Variants in EIF2B3 observed in about 807,000 individuals in gnomAD.
The protein encoded by EIF2B3 is translation initiation factor eIF2B subunit gamma.
A neutral mutation model predicts 54.1 loss-of-function variants in EIF2B3; 20 were observed. The observed-to-expected ratio is 0.37, with a 90% CI of 0.26 to 0.54. The LOEUF (loss-of-function observed/expected upper bound fraction) is 0.54. Among genes scored for constraint, EIF2B3 ranks in the 20% least tolerant of loss-of-function variants. The pLI, the probability that EIF2B3 is intolerant of heterozygous loss-of-function variation, is 0.86. For missense variants in EIF2B3, 448 were observed against 547.8 expected, an observed-to-expected ratio of 0.82 and a Z score of 1.82; for synonymous variants, 153 against 188.1, an observed-to-expected ratio of 0.81 and a Z score of 1.52.
chr1:44,974,172 A>C (rs1019119791), intron 3 of EIF2B3, among the ~76,000 whole-genome samples: 6 of 148,890 alleles, frequency 4.0e-5, no homozygotes, highest in African/African-American at 1.6e-4. Context: ...GCAATGAGAC[A>C]ATTTTTTTTT....
intron 10 of EIF2B3, among the ~76,000 whole-genome samples, chr1:44,866,667 G>A (rs1181587863): frequency 6.6e-6 from 1 of 151,876 alleles, no homozygotes; most frequent in Non-Finnish European, 1.5e-5. Flanking sequence ...CGATTCTCCT[G>A]CCTCAGCCTC....
At chr1:44,908,349 G>A (rs1197994679) in intron 5 of EIF2B3, among the ~76,000 whole-genome samples, 1 of 152,166 alleles carries the variant, frequency 6.6e-6, no homozygotes, top group Non-Finnish European at 1.5e-5. Flanking sequence ...GGAGCACAAA[G>A]GAAGAAGCAC....
At chr1:44,885,737 CTG>C (rs1440111112) in intron 6 of EIF2B3, among the ~76,000 whole-genome samples, 1 of 151,876 alleles carries the variant, frequency 6.6e-6, no homozygotes, top group African/African-American at 2.4e-5. Context: ...ATAGGCAAAA[CTG>C]TGACTGTAAA....
intron 10 of EIF2B3, among the ~76,000 whole-genome samples, chr1:44,858,068 TCC>T (rs1654492677): frequency 7.4e-6 from 1 of 135,814 alleles, no homozygotes; most frequent in African/African-American, 2.6e-5. Flanking sequence ...TCACTTCAGT[TCC>T]TTTTTTTTTT....
intron 4 of EIF2B3, among the ~76,000 whole-genome samples, chr1:44,929,302 T>C (rs1027029800): frequency 8.5e-5 from 13 of 152,212 alleles, no homozygotes; most frequent in Admixed American, 8.5e-4. Context: ...AGAATATGTT[T>C]CGCTGTTGGC....
At chr1:44,970,073 C>T (rs1403433079) in intron 3 of EIF2B3, 1 of 151,988 alleles carries the variant, frequency 6.6e-6, no homozygotes. Context: ...ACCAGTAAAT[C>T]AGTAAAATTG....
chr1:44,964,568 A>C (rs984091854), intron 3 of EIF2B3, among the ~76,000 whole-genome samples: 1 of 152,226 alleles, frequency 6.6e-6, no homozygotes, highest in Non-Finnish European at 1.5e-5. Context: ...TGGGGATTTC[A>C]TTGGCATAGT....
chr1:44,867,436 C>T (rs1654816251), intron 10 of EIF2B3, among the ~76,000 whole-genome samples: 1 of 152,118 alleles, frequency 6.6e-6, no homozygotes, highest in Non-Finnish European at 1.5e-5. Context: ...CCCTCAAGCC[C>T]TGAAGACCTT....
At chr1:44,903,532 T>C (rs953531035) in intron 5 of EIF2B3, among the ~76,000 whole-genome samples, 1 of 152,182 alleles carries the variant, frequency 6.6e-6, no homozygotes, top group Non-Finnish European at 1.5e-5. Context: ...TATTCCCCAA[T>C]ATGCTCATTG....
chr1:44,913,762 A>G (rs1643565018), intron 5 of EIF2B3, among the ~76,000 whole-genome samples: 1 of 151,824 alleles, frequency 6.6e-6, no homozygotes, highest in South Asian at 2.1e-4. Context: ...TCTGTCTCCC[A>G]AAGTGGACAT....
At chr1:44,897,890 C>T (rs897234290) in intron 5 of EIF2B3, among the ~76,000 whole-genome samples, 3 of 151,938 alleles carry the variant, frequency 2.0e-5, no homozygotes, top group Non-Finnish European at 4.4e-5. Flanking sequence ...TTGTACACCA[C>T]CATGCCCAGC....
At chr1:44,971,535 G>A (rs1385652311) in intron 3 of EIF2B3, among the ~76,000 whole-genome samples, 1 of 152,076 alleles carries the variant, frequency 6.6e-6, no homozygotes, top group East Asian at 1.9e-4. Flanking sequence ...ATTTGCCTGG[G>A]ACTTTCAAGA....
chr1:44,924,037 T>C (rs1643804422), intron 5 of EIF2B3, among the ~76,000 whole-genome samples: 1 of 150,672 alleles, frequency 6.6e-6, no homozygotes, highest in Non-Finnish European at 1.5e-5. Flanking sequence ...GCCTCCCAGG[T>C]TCATGCCATT....
chr1:44,868,383 A>C (rs1654851584), intron 10 of EIF2B3, among the ~76,000 whole-genome samples: 1 of 138,470 alleles, frequency 7.2e-6, no homozygotes. Flanking sequence ...GGGTGACAGA[A>C]TGAGACTCCG....
At chr1:44,959,118 T>G in intron 3 of EIF2B3, 3 of 763,754 alleles carry the variant, frequency 3.9e-6, no homozygotes, top group Non-Finnish European at 6.9e-6. Flanking sequence ...ACATCCCTAT[T>G]GCTAACCGTG....
rs866630551 is a variant in EIF2B3, at chr1:44,915,310, A to T, written c.566+11318T>A. ...GTGAGACCCTGTCTCAAAAAAAAAA[A>T]ATTATTATTATTATTTTTTGAGATA... is the stretch of plus-strand genomic sequence containing the variant. On this transcript the variant is annotated intron_variant, in intron 5 of 11. Transcript: ENST00000360403. 3.3e-5 allele frequency among the ~76,000 whole-genome samples: 5 copies of T among 152,078 alleles called. No homozygotes were observed. In the Middle Eastern group the frequency reaches 0.01, roughly 310 times the overall value.
At position 44,910,657 on chromosome 1, in the gene EIF2B3, T is replaced by A. The variant is rs1343107863; in HGVS notation, c.567-13213A>T. Among the ~76,000 whole-genome samples the A allele has an allele frequency of 4.2e-3, 309 of 73,662 alleles. 5 individuals carry two copies. Among genetic ancestry groups the A allele is most frequent in the Admixed American group, 5.3e-3 (37 of 6,986 alleles). 48.3% of individuals were successfully genotyped at this position (73,662 alleles called of 152,430 possible). On this transcript the variant is annotated intron_variant, in intron 5 of 11. Transcript: ENST00000360403. ...TTTTTTTTTTTTTTTTTTTTTTTTT[T>A]AAAAGAGAGAAATGGGTCTTGCTAT...
intron 4 of EIF2B3, among the ~76,000 whole-genome samples, chr1:44,939,413 A>C (rs1643996128): frequency 6.6e-6 from 1 of 151,924 alleles, no homozygotes; most frequent in African/African-American, 2.4e-5. Flanking sequence ...TTAAAAATGG[A>C]TGGTAGGTAG....
At chr1:44,893,828 T>C (rs1336392581) in intron 6 of EIF2B3, among the ~76,000 whole-genome samples, 2 of 122,708 alleles carry the variant, frequency 1.6e-5, no homozygotes, top group African/African-American at 6.4e-5. Context: ...TTAAGTCTCT[T>C]AAAGAGAGAA....
Sources: gnomAD v4.1 joint callset for allele counts (sites outside exome capture counted in the v4.1 genomes callset) on GRCh38, gnomAD v4.1.1 for gene constraint, MANE v1.5 for transcripts, NCBI Gene and HGNC (gene_info 2026-07-23, HGNC 2026-07-21) for gene names.